The following ZDHHC11 variants were observed in gnomAD, a reference collection of about 807,000 sequenced individuals.
ZDHHC11 encodes the protein palmitoyltransferase ZDHHC11.
ZDHHC11 carries 44 observed loss-of-function variants against 51.3 expected under a neutral mutation model. That is an observed-to-expected ratio of 0.86 (90% CI 0.67 to 1.10). The LOEUF (loss-of-function observed/expected upper bound fraction) is 1.10. Ranked by LOEUF, ZDHHC11 falls within the 50% of genes least tolerant of loss-of-function variation. ZDHHC11 has a pLI of 0.00. For missense variants in ZDHHC11, 400 were observed against 537.7 expected (o/e 0.74, Z 2.53); for synonymous variants, 163 against 222.0 (o/e 0.73, Z 2.36).
At chr5:857,972 G>A (rs111792668) in intron 1 of ZDHHC11, among the ~76,000 whole-genome samples, 514 of 122,002 alleles carry the variant, frequency 4.2e-3, no homozygotes, top group African/African-American at 0.017. Context: ...CCTGGTCCCC[G>A]TCCTATCTTT....
chr5:821,764 A>C, intron 9 of ZDHHC11, 97 bp downstream of exon 9: 6 of 1,265,108 alleles, frequency 4.7e-6, no homozygotes, highest in Non-Finnish European at 6.6e-6. Context: ...TGAAGACATT[A>C]AATGGATGAC....
chr5:795,696 A>G lies in ZDHHC11; in HGVS notation c.*892T>C, dbSNP rs1279206108. On this transcript the variant is annotated 3_prime_UTR_variant, in exon 13 of 13. Coordinates refer to ENST00000283441, the MANE Select transcript of ZDHHC11 (RefSeq NM_024786.3). ...ATTAAAATGCAGAGTTCATTAAAAT[A>G]CAGAGGATGCCTCTGGTTCTCTGGT... 1.3e-5 allele frequency: 2 copies of G among 154,312 alleles called. No individual in the cohort carries two copies. The highest frequency in any genetic ancestry group is 4.8e-5 in the African/African-American group (2 of 41,324). The allele number at this position is 154,312 out of a possible 1,614,324, so 9.6% of individuals were successfully genotyped here. A position where few individuals can be genotyped will look rare whatever the true frequency, so the allele number is the denominator to read the frequency against.
intron 9 of ZDHHC11, 68 bp downstream of exon 9, chr5:821,793 C>T (rs771710524): frequency 4.1e-5 from 58 of 1,416,972 alleles, no homozygotes; most frequent in African/African-American, 1.3e-4. Flanking sequence ...CTAAGTAATT[C>T]GAGATGAGAC....
At chr5:820,793 A>C (rs1314173547) in intron 9 of ZDHHC11, among the ~76,000 whole-genome samples, 1 of 151,498 alleles carries the variant, frequency 6.6e-6, no homozygotes, top group East Asian at 1.9e-4. Context: ...TGTCAAAAGT[A>C]AATGAAAAAT....
At chr5:821,945 T>C (rs1741628806) in intron 8 of ZDHHC11, 50 bp from the exon 9 acceptor site, 1 of 1,535,308 alleles carries the variant, frequency 6.5e-7, no homozygotes, top group South Asian at 1.2e-5. Context: ...ATTGAACTTA[T>C]TCTTAAAAAA....
chr5:818,096 T>A (rs1357592158), intron 10 of ZDHHC11, among the ~76,000 whole-genome samples: 1 of 151,286 alleles, frequency 6.6e-6, no homozygotes, highest in Non-Finnish European at 1.5e-5. Flanking sequence ...TCCAACGTGA[T>A]GCTGAGCGGA....
chr5:843,217 C>A, intron 4 of ZDHHC11: 1 of 393,414 alleles, frequency 2.5e-6, no homozygotes, highest in Non-Finnish European at 4.9e-6. Context: ...CTCTCCCTCC[C>A]CATGGGCTGC....
chr5:835,575 C>T (rs925704369), intron 6 of ZDHHC11, among the ~76,000 whole-genome samples: 53 of 151,868 alleles, frequency 3.5e-4, no homozygotes, highest in African/African-American at 1.2e-3. Context: ...AGTACAGTAG[C>T]CTAGGTCTTT....
At chr5:827,524 A>G (rs1345008452) in intron 7 of ZDHHC11, among the ~76,000 whole-genome samples, 1 of 150,884 alleles carries the variant, frequency 6.6e-6, no homozygotes, top group African/African-American at 2.4e-5. Context: ...ACTTAAGGTA[A>G]AGTGGCAGAA....
upstream of ZDHHC11, among the ~76,000 whole-genome samples, chr5:855,734 C>A (rs1175260897): frequency 9.2e-6 from 1 of 108,546 alleles, no homozygotes; most frequent in African/African-American, 3.7e-5. Context: ...CAGTGAGCAG[C>A]GGGGACAGAC....
chr5:855,666 G>A (rs1748113800), upstream of ZDHHC11, among the ~76,000 whole-genome samples: 1 of 143,948 alleles, frequency 6.9e-6, no homozygotes, highest in Non-Finnish European at 1.5e-5. Flanking sequence ...AGGACAGCCA[G>A]CCGGGGGGAC....
chr5:800,979 C>G, intron 12 of ZDHHC11, 121 bp downstream of exon 12: 2 of 1,192,402 alleles, frequency 1.7e-6, no homozygotes, highest in African/African-American at 1.5e-5. Context: ...CATCAAGAGA[C>G]AAACGACAAG....
chr5:822,551 C>T lies in ZDHHC11; in HGVS notation c.1024-656G>A, dbSNP rs546162370. Among the ~76,000 whole-genome samples, 4 of 151,764 alleles carry T rather than the reference C, an allele frequency of 2.6e-5. No homozygotes were observed. The South Asian group carries it at 8.3e-4, about 32-fold the overall frequency. ...TGCTGGCTCATATGATAAGTACATG[C>T]TCAGCATCTGAAGCTTTGCCAAACT... On this transcript the variant is annotated intron_variant, in intron 8 of 12. Transcript: ENST00000283441.
At chr5:801,720 G>A (rs1738449372) in intron 11 of ZDHHC11, among the ~76,000 whole-genome samples, 1 of 151,316 alleles carries the variant, frequency 6.6e-6, no homozygotes, top group Non-Finnish European at 1.5e-5. Flanking sequence ...AGACTTTGCA[G>A]AGGGTTGGAG....
At position 825,149 on chromosome 5, in the gene ZDHHC11, G is replaced by A. The variant is rs375287151; in HGVS notation, c.1023+15C>T. 5 of 1,607,890 alleles carry A rather than the reference G, an allele frequency of 3.1e-6. 1 individual carries two copies. The Admixed American group carries it at 6.7e-5, about 21-fold the overall frequency. Reference sequence around the variant, plus strand: ...GCCCTGACCTCGGGGTGCATCGCTGGTGACTGCAACTTACCCGTGCCGTCG... The same window carrying A: ...GCCCTGACCTCGGGGTGCATCGCTGATGACTGCAACTTACCCGTGCCGTCG... On this transcript the variant is annotated intron_variant, in intron 8 of 12. Transcript: ENST00000283441.
upstream of ZDHHC11, among the ~76,000 whole-genome samples, chr5:851,919 G>A (rs1267451909): frequency 6.6e-6 from 1 of 152,148 alleles, no homozygotes; most frequent in Non-Finnish European, 1.5e-5. Context: ...AGCAGGGCAT[G>A]GTGGCACATG....
chr5:844,050 G>C (rs1331082010), intron 3 of ZDHHC11, among the ~76,000 whole-genome samples: 1 of 151,178 alleles, frequency 6.6e-6, no homozygotes, highest in South Asian at 2.1e-4. Flanking sequence ...GGGTGGGGAC[G>C]CGCAGGGCAT....
chr5:797,424 T>C (rs1164002146), intron 12 of ZDHHC11, among the ~76,000 whole-genome samples: 1 of 151,820 alleles, frequency 6.6e-6, no homozygotes, highest in Non-Finnish European at 1.5e-5. Context: ...TTTCTAGGAC[T>C]CTAAACATAA....
At chr5:819,723 G>T in intron 9 of ZDHHC11, 111 bp from the exon 10 acceptor site, 1 of 1,157,336 alleles carries the variant, frequency 8.6e-7, no homozygotes, top group Non-Finnish European at 1.3e-6. Flanking sequence ...GGGCCCATGT[G>T]TCTCAGAAAC....
Sources: gnomAD v4.1 joint callset for allele counts (sites outside exome capture counted in the v4.1 genomes callset) on GRCh38, gnomAD v4.1.1 for gene constraint, MANE v1.5 for transcripts, NCBI Gene and HGNC (gene_info 2026-07-23, HGNC 2026-07-21) for gene names.